PPARD: variants seen among roughly 807,000 people sequenced by gnomAD.
The protein encoded by PPARD is peroxisome proliferator activated receptor delta.
In PPARD, 6 loss-of-function variants were observed where a neutral mutation model predicts 39.5. The observed-to-expected ratio is 0.15, with a 90% confidence interval of 0.08 to 0.30. The LOEUF is 0.30. PPARD is among the 10% of genes least tolerant of loss of function. The pLI, the probability that PPARD is intolerant of heterozygous loss-of-function variation, is 1.00. For missense variants in PPARD, 397 were observed against 596.8 expected, an observed-to-expected ratio of 0.67 and a Z score of 3.49; for synonymous variants, 210 against 231.3, an observed-to-expected ratio of 0.91 and a Z score of 0.83.
At position 35,416,400 on chromosome 6, in the gene PPARD, A is replaced by C. The variant is rs1257333500; in HGVS notation, c.131-3727A>C. On this transcript the variant is annotated intron_variant, in intron 3 of 7. Coordinates refer to ENST00000360694, the MANE Select transcript of PPARD (RefSeq NM_006238.5). ...AAAAAAAAAAAAAAAAAAAAAAAAAAAAAAAAAAAACACCTTCTTAGCACA... is the reference window on the plus strand; with the variant it reads ...AAAAAAAAAAAAAAAAAAAAAAAAACAAAAAAAAAACACCTTCTTAGCACA... 3.8e-3 allele frequency among the ~76,000 whole-genome samples: 570 copies of C among 150,470 alleles called. 16 individuals carry two copies. The highest frequency in any genetic ancestry group is 0.012 in the African/African-American group (495 of 41,060).
intron 2 of PPARD, among the ~76,000 whole-genome samples, chr6:35,381,877 C>T (rs1378862281): frequency 6.6e-6 from 1 of 152,154 alleles, no homozygotes; most frequent in Non-Finnish European, 1.5e-5. Flanking sequence ...AGTCAAGGTG[C>T]CCCATTCCAG....
chr6:35,405,634 T>G (rs981846514), intron 2 of PPARD, among the ~76,000 whole-genome samples: 17 of 151,468 alleles, frequency 1.1e-4, no homozygotes, highest in East Asian at 9.7e-4. Flanking sequence ...GTATTGTGGT[T>G]GTTGTTGTTG....
intron 2 of PPARD, among the ~76,000 whole-genome samples, chr6:35,396,470 C>T (rs1257121620): frequency 1.4e-5 from 2 of 147,572 alleles, no homozygotes; most frequent in Non-Finnish European, 3.0e-5. Context: ...TCCCAAAGTG[C>T]TGGGATTACA....
At chr6:35,367,069 G>C (rs1762243268) in intron 2 of PPARD, among the ~76,000 whole-genome samples, 1 of 152,168 alleles carries the variant, frequency 6.6e-6, no homozygotes, top group Admixed American at 6.5e-5. Flanking sequence ...CTGGGGAGGT[G>C]AGGTTTTGTC....
In PPARD at chr6:35,355,552, TAAAA is replaced by T. The variant is rs1171537260; in HGVS notation, c.-102+8425_-102+8428del. ...GGGTGACAGAGTAAGGCCCTGTCTG[TAAAA>T]AAAAAAAAAAAAAAAAAAAAAAGTG... On this transcript the variant is annotated intron_variant, in intron 2 of 7. Coordinates refer to ENST00000360694, the MANE Select transcript of PPARD (RefSeq NM_006238.5). Among the ~76,000 whole-genome samples, 576 of 59,398 alleles carry T rather than the reference TAAAA, an allele frequency of 9.7e-3. 3 individuals carry two copies. The highest frequency in any genetic ancestry group is 0.017 in the Middle Eastern group (1 of 58). 39.0% of individuals were successfully genotyped at this position (59,398 alleles called of 152,430 possible). A position where few individuals can be genotyped will look rare whatever the true frequency, so the allele number is the denominator to read the frequency against.
chr6:35,360,997 G>A (rs915157173), intron 2 of PPARD, among the ~76,000 whole-genome samples: 4 of 152,146 alleles, frequency 2.6e-5, no homozygotes, highest in African/African-American at 7.2e-5. Context: ...CATAGAGCTC[G>A]GGTAGCTAGA....
Position 35,411,326 on chromosome 6 carries a change from G to A in PPARD, c.130+109G>A, listed in dbSNP as rs893065872. On this transcript the variant is annotated intron_variant, in intron 3 of 7. Coordinates refer to ENST00000360694, the MANE Select transcript of PPARD (RefSeq NM_006238.5). ...CATGTGGGGCGCAGAGTAGCAGAGT[G>A]CTGAAGGACTGGAGCCGGAAGCCTG... The A allele has an allele frequency of 4.7e-6, 6 of 1,284,044 alleles. No homozygotes were observed. The African/African-American group carries it at 7.6e-5, about 16-fold the overall frequency. 79.5% of individuals were successfully genotyped at this position (1,284,044 alleles called of 1,614,324 possible).
chr6:35,375,776 ACTC>A (rs1188292895), intron 2 of PPARD, among the ~76,000 whole-genome samples: 6 of 147,056 alleles, frequency 4.1e-5, no homozygotes, highest in African/African-American at 1.3e-4. Flanking sequence ...CTCGTCTTGA[ACTC>A]CTCACTCAAG....
intron 2 of PPARD, among the ~76,000 whole-genome samples, chr6:35,384,221 T>C: frequency 8.7e-6 from 1 of 114,584 alleles, no homozygotes; most frequent in Non-Finnish European, 1.7e-5. Flanking sequence ...GGTGGGGGGG[T>C]CAGCCCCCCG....
chr6:35,396,375 T>C (rs2150700469), intron 2 of PPARD, among the ~76,000 whole-genome samples: 1 of 151,368 alleles, frequency 6.6e-6, no homozygotes, highest in Non-Finnish European at 1.5e-5. Flanking sequence ...TGGCCAATTT[T>C]TTGTATTTTT....
chr6:35,344,227 C>T (rs1383060082), intron 1 of PPARD, among the ~76,000 whole-genome samples: 1 of 152,042 alleles, frequency 6.6e-6, no homozygotes, highest in Non-Finnish European at 1.5e-5. Flanking sequence ...CAAATTGTCC[C>T]TCTTTTTCCC....
At chr6:35,371,998 G>C (rs1762503726) in intron 2 of PPARD, among the ~76,000 whole-genome samples, 1 of 152,196 alleles carries the variant, frequency 6.6e-6, no homozygotes, top group Non-Finnish European at 1.5e-5. Context: ...TACAAGTGTG[G>C]TTTCTAAGGT....
chr6:35,407,109 G>T (rs1360237946), intron 2 of PPARD, among the ~76,000 whole-genome samples: 2 of 152,136 alleles, frequency 1.3e-5, no homozygotes, highest in African/African-American at 4.8e-5. Flanking sequence ...GCTCCATCAG[G>T]TCTTCCCCAG....
chr6:35,349,943 T>C (rs1562166055), intron 2 of PPARD, among the ~76,000 whole-genome samples: 1 of 152,026 alleles, frequency 6.6e-6, no homozygotes, highest in Non-Finnish European at 1.5e-5. Context: ...GGTTTTGTCA[T>C]GTTGGCCAGG....
At chr6:35,416,239 A>G (rs1001697733) in intron 3 of PPARD, among the ~76,000 whole-genome samples, 3 of 151,674 alleles carry the variant, frequency 2.0e-5, no homozygotes, top group Middle Eastern at 3.4e-3. Flanking sequence ...AAAAAAAACT[A>G]GCTGGGCGCC....
chr6:35,420,713 A>G (rs535790031), intron 4 of PPARD, among the ~76,000 whole-genome samples: 1 of 149,786 alleles, frequency 6.7e-6, no homozygotes, highest in Non-Finnish European at 1.5e-5. Flanking sequence ...AATCTCACAG[A>G]TTATTTTATT....
chr6:35,366,688 T>C lies in PPARD; in HGVS notation c.-102+19538T>C, dbSNP rs1300047103. On this transcript the variant is annotated intron_variant, in intron 2 of 7. Transcript: ENST00000360694. The surrounding 1 kb of genome is among the most constrained non-coding windows in gnomAD (Gnocchi z 4.6). Reference sequence around the variant, plus strand: ...CCTCAGCCTCCTTAGTGGCTGTGACTACAGGCGTGTACCACCATGCCTGGC... The same window carrying C: ...CCTCAGCCTCCTTAGTGGCTGTGACCACAGGCGTGTACCACCATGCCTGGC... 6.6e-6 allele frequency among the ~76,000 whole-genome samples: 1 copy of C among 152,074 alleles called. No individual in the cohort carries two copies. The highest frequency in any genetic ancestry group is 1.5e-5 in the Non-Finnish European group (1 of 68,004).
chr6:35,359,012 C>T (rs190266032), intron 2 of PPARD, among the ~76,000 whole-genome samples: 1 of 152,124 alleles, frequency 6.6e-6, no homozygotes, highest in East Asian at 1.9e-4. Flanking sequence ...ACATAGAGGG[C>T]CGGGGAAGGT....
In PPARD at chr6:35,425,993, G is replaced by A. The variant is rs867021538; in HGVS notation, c.1240G>A (p.Ala414Thr). 1.9e-6 allele frequency: 3 copies of A among 1,614,084 alleles called. No homozygotes were observed. The highest frequency in any genetic ancestry group is 1.3e-5 in the African/African-American group (1 of 75,006). ...ADLRQLVTEHAQMMQRIKKTE... is the reference protein window; with the variant it reads ...ADLRQLVTEHTQMMQRIKKTE... The stretch of plus-strand genomic sequence containing the variant: ...CCTGCGGCAACTGGTCACCGAGCAC[G>A]CCCAGATGATGCAGCGGATCAAGAA... Residue 414 changes from alanine to threonine, a missense_variant, in exon 8 of 8, where the codon GCC becomes ACC. Physicochemically the swap from Ala to Thr is moderately conservative, Grantham distance 58. Transcript: ENST00000360694. This position sits in a 1 kb window ranked among gnomAD's most constrained non-coding sequence, Gnocchi z 4.5.
Sources: allele counts gnomAD v4.1 joint callset (sites outside exome capture counted in the v4.1 genomes callset), GRCh38; gene constraint gnomAD v4.1.1; non-coding constraint Gnocchi (gnomAD v3.1); transcripts MANE v1.5; gene names NCBI Gene and HGNC (gene_info 2026-07-23, HGNC 2026-07-21).